Variants in OR10J1 observed in about 807,000 individuals in gnomAD.
OR10J1 encodes olfactory receptor family 10 subfamily J member 1, also known as olfactory receptor 10J1.
For missense variants in OR10J1, 474 were observed against 376.6 expected, an observed-to-expected ratio of 1.26 and a Z score of -2.14; for synonymous variants, 202 against 143.8, an observed-to-expected ratio of 1.40 and a Z score of -2.89.
At chr1:159,398,689 A>G in the OR10J1 span, among the ~76,000 whole-genome samples, 1 of 152,202 alleles carries the variant, frequency 6.6e-6, no homozygotes, top group East Asian at 1.9e-4. Context: ...GCTTGAAGAA[A>G]AGCTATTTGA....
the OR10J1 span, among the ~76,000 whole-genome samples, chr1:159,422,020 C>T: frequency 6.6e-6 from 1 of 152,100 alleles, no homozygotes; most frequent in South Asian, 2.1e-4. Flanking sequence ...TTGGCAGTTG[C>T]TGCAATGCGC....
chr1:159,400,353 A>G, the OR10J1 span, among the ~76,000 whole-genome samples: 1 of 151,900 alleles, frequency 6.6e-6, no homozygotes, highest in African/African-American at 2.4e-5. Context: ...ATAGACACAC[A>G]TAGAATGAAA....
the OR10J1 span, among the ~76,000 whole-genome samples, chr1:159,419,793 G>A: frequency 1.3e-5 from 2 of 152,210 alleles, no homozygotes; most frequent in Non-Finnish European, 2.9e-5. Flanking sequence ...AATGGAATGT[G>A]TATTCTGTAG....
rs766887379 is a variant in OR10J1, at chr1:159,440,159, A to G, written c.368A>G (p.Tyr123Cys). The change falls in exon 1 of 1, where the codon TAT (tyrosine) becomes TGT (cysteine). Residue 123 changes from tyrosine to cysteine, a missense_variant. Physicochemically the swap from Tyr to Cys is radical, Grantham distance 194. Transcript: ENST00000423932. ...FLLTAMGYDR[Y>C]VAICNPLRYM... Reference sequence around the variant, plus strand: ...CTCACAGCAATGGGATATGACCGCTATGTGGCCATCTGCAACCCCCTGAGA... The same window carrying G: ...CTCACAGCAATGGGATATGACCGCTGTGTGGCCATCTGCAACCCCCTGAGA... The G allele has an allele frequency of 1.9e-6, 3 of 1,614,126 alleles. No individual in the cohort carries two copies. The Admixed American group carries it at 5.0e-5, about 27-fold the overall frequency.
chr1:159,436,703 C>T (rs1355775562), upstream of OR10J1, among the ~76,000 whole-genome samples: 1 of 151,928 alleles, frequency 6.6e-6, no homozygotes, highest in Non-Finnish European at 1.5e-5. Flanking sequence ...CCTTAAGACG[C>T]CACTTGCTAA....
chr1:159,433,567 T>G (rs538326832), upstream of OR10J1, among the ~76,000 whole-genome samples: 1 of 152,194 alleles, frequency 6.6e-6, no homozygotes, highest in Non-Finnish European at 1.5e-5. Context: ...TGTCTGAAGA[T>G]GGGACCAACT....
At chr1:159,431,945 G>A in the OR10J1 span, among the ~76,000 whole-genome samples, 15 of 152,142 alleles carry the variant, frequency 9.9e-5, no homozygotes, top group East Asian at 2.5e-3. Flanking sequence ...TACATTGAAG[G>A]GCATCTGTAC....
the OR10J1 span, among the ~76,000 whole-genome samples, chr1:159,409,296 G>A: frequency 6.6e-6 from 1 of 152,012 alleles, no homozygotes; most frequent in Non-Finnish European, 1.5e-5. Flanking sequence ...AGCTGACCAA[G>A]GATTTGCATA....
the OR10J1 span, among the ~76,000 whole-genome samples, chr1:159,400,682 G>A: frequency 6.6e-6 from 1 of 151,738 alleles, no homozygotes; most frequent in Non-Finnish European, 1.5e-5. Context: ...GGAGACTTCA[G>A]TACCCCACTT....
the OR10J1 span, among the ~76,000 whole-genome samples, chr1:159,425,649 G>A: frequency 2.0e-5 from 3 of 151,962 alleles, no homozygotes; most frequent in African/African-American, 7.2e-5. Context: ...TGGCTCAGTT[G>A]TGAAAAATAT....
chr1:159,431,915 A>T, the OR10J1 span, among the ~76,000 whole-genome samples: 27 of 152,172 alleles, frequency 1.8e-4, no homozygotes, highest in Non-Finnish European at 8.8e-5. Context: ...TGATGGGTTT[A>T]TCAGGATGTA....
chr1:159,407,692 G>T, the OR10J1 span, among the ~76,000 whole-genome samples: 583 of 152,180 alleles, frequency 3.8e-3, 6 homozygotes, highest in African/African-American at 0.014. Flanking sequence ...ATTTCTCTAT[G>T]AAATCAGTGA....
At chr1:159,411,865 G>A in the OR10J1 span, among the ~76,000 whole-genome samples, 2 of 151,884 alleles carry the variant, frequency 1.3e-5, no homozygotes, top group Non-Finnish European at 1.5e-5. Context: ...GGAAATAAAG[G>A]GTATTCAATT....
the OR10J1 span, among the ~76,000 whole-genome samples, chr1:159,412,041 T>C: frequency 2.0e-5 from 3 of 151,862 alleles, no homozygotes; most frequent in Non-Finnish European, 4.4e-5. Context: ...TATACACCAA[T>C]AACAGACAAA....
At chr1:159,422,358 G>A in the OR10J1 span, among the ~76,000 whole-genome samples, 1 of 152,302 alleles carries the variant, frequency 6.6e-6, no homozygotes. Context: ...TTCAGTGGAA[G>A]CAACCTTAGG....
chr1:159,422,361 A>C, the OR10J1 span, among the ~76,000 whole-genome samples: 2 of 151,976 alleles, frequency 1.3e-5, no homozygotes, highest in Non-Finnish European at 2.9e-5. Context: ...AGTGGAAGCA[A>C]CCTTAGGCAT....
chr1:159,432,440 C>A, the OR10J1 span: 1 of 407,132 alleles, frequency 2.5e-6, no homozygotes, highest in Non-Finnish European at 4.4e-6. Flanking sequence ...TGGCCATCAA[C>A]CCCCAAATGC....
chr1:159,432,346 T>C, the OR10J1 span: 4 of 401,418 alleles, frequency 1.0e-5, no homozygotes, highest in East Asian at 1.4e-4. Context: ...ATCATCTTGA[T>C]AGTTATCCGC....
the OR10J1 span, among the ~76,000 whole-genome samples, chr1:159,424,257 A>G: frequency 6.6e-6 from 1 of 151,624 alleles, no homozygotes; most frequent in Non-Finnish European, 1.5e-5. Flanking sequence ...AACAGAAAAA[A>G]TTTAAAAGTT....
Sources: allele counts gnomAD v4.1 joint callset (sites outside exome capture counted in the v4.1 genomes callset), GRCh38; gene constraint gnomAD v4.1.1; transcripts MANE v1.5; gene names NCBI Gene and HGNC (gene_info 2026-07-23, HGNC 2026-07-21).